The following PTPRT variants were observed in gnomAD, a reference collection of about 807,000 sequenced individuals.
PTPRT encodes the protein protein tyrosine phosphatase receptor type T.
Under a neutral mutation model 176.8 loss-of-function variants are expected in PTPRT, and 56 were observed. That is an observed-to-expected ratio of 0.32 (90% confidence interval 0.26 to 0.40). The LOEUF (loss-of-function observed/expected upper bound fraction) is 0.40, where lower values mean the gene tolerates loss of function less well. Among genes scored for constraint, PTPRT ranks in the 10% least tolerant of loss-of-function variants. The pLI is 1.00. For missense variants in PTPRT, 1,540 were observed against 1,908.2 expected (o/e 0.81, Z 3.60); for synonymous variants, 783 against 739.0 (o/e 1.06, Z -0.96).
At chr20:42,214,224 A>G (rs2055714115) in intron 15 of PTPRT, among the ~76,000 whole-genome samples, 1 of 152,146 alleles carries the variant, frequency 6.6e-6, no homozygotes, top group African/African-American at 2.4e-5. Context: ...CTTAGGCAAA[A>G]AGCCATCACA....
At chr20:42,382,178 T>A (rs2058703635) in intron 9 of PTPRT, among the ~76,000 whole-genome samples, 1 of 152,220 alleles carries the variant, frequency 6.6e-6, no homozygotes, top group East Asian at 1.9e-4. Flanking sequence ...TTATTGCAAA[T>A]GATTTTACTG....
chr20:42,645,643 G>A (rs1157303927), intron 7 of PTPRT, among the ~76,000 whole-genome samples: 7 of 151,990 alleles, frequency 4.6e-5, no homozygotes, highest in South Asian at 2.1e-4. Context: ...AAGTACAGGC[G>A]GCTACAACAA....
intron 2 of PTPRT, among the ~76,000 whole-genome samples, chr20:42,854,231 G>A (rs749111406): frequency 5.1e-4 from 77 of 151,956 alleles, no homozygotes; most frequent in Non-Finnish European, 9.3e-4. Flanking sequence ...CGTTCATTTG[G>A]CAAATACTTA....
intron 6 of PTPRT, among the ~76,000 whole-genome samples, chr20:42,751,144 G>A (rs1221979504): frequency 6.6e-6 from 1 of 152,158 alleles, no homozygotes; most frequent in East Asian, 1.9e-4. Context: ...TGGGGAGAAA[G>A]AGAGACCAGC....
chr20:42,543,451 A>C (rs2072619234), intron 7 of PTPRT, among the ~76,000 whole-genome samples: 1 of 152,176 alleles, frequency 6.6e-6, no homozygotes, highest in Non-Finnish European at 1.5e-5. Flanking sequence ...CTATATCTTC[A>C]GGCTTCATAT....
chr20:42,186,133 G>T (rs1306589048), intron 16 of PTPRT, among the ~76,000 whole-genome samples: 2 of 151,926 alleles, frequency 1.3e-5, no homozygotes, highest in Non-Finnish European at 2.9e-5. Flanking sequence ...GAAAAGCATG[G>T]GTATAGCCAG....
rs539517859 is a variant in PTPRT, at chr20:43,184,184, T to C, written c.88+5462A>G. Among the ~76,000 whole-genome samples the C allele has an allele frequency of 3.3e-5, 5 of 152,370 alleles. No homozygotes were observed. In the East Asian group the frequency reaches 9.6e-4, roughly 29 times the overall value. ...TGAGACTTTGCATCTCTTCCACTTA[T>C]GCTCCAGGGGACGTGTTTGTGTGTC... On this transcript the variant is annotated intron_variant, in intron 1 of 30. Coordinates refer to ENST00000373187, the MANE Select transcript of PTPRT (RefSeq NM_007050.6).
At chr20:42,116,523 G>A (rs991153516) in intron 21 of PTPRT, among the ~76,000 whole-genome samples, 15 of 152,162 alleles carry the variant, frequency 9.9e-5, no homozygotes, top group African/African-American at 3.6e-4. Flanking sequence ...TACTGACTGT[G>A]TACTCTGTCT....
chr20:42,579,614 G>T (rs2145719545), intron 7 of PTPRT, among the ~76,000 whole-genome samples: 1 of 152,276 alleles, frequency 6.6e-6, no homozygotes, highest in East Asian at 1.9e-4. Context: ...ACTGGTGTGA[G>T]ATGGTATCTC....
intron 7 of PTPRT, among the ~76,000 whole-genome samples, chr20:42,631,414 C>T (rs1316554133): frequency 6.6e-6 from 1 of 152,170 alleles, no homozygotes; most frequent in African/African-American, 2.4e-5. Context: ...AATTCAGCTT[C>T]ACATATTGCC....
chr20:42,206,366 G>A (rs915139234), intron 15 of PTPRT, among the ~76,000 whole-genome samples: 17 of 152,202 alleles, frequency 1.1e-4, no homozygotes, highest in Non-Finnish European at 2.9e-5. Context: ...TTCCATCTGA[G>A]GTACCGGGTT....
chr20:42,189,117 T>C (rs1164938493), intron 16 of PTPRT, among the ~76,000 whole-genome samples: 1 of 151,726 alleles, frequency 6.6e-6, no homozygotes, highest in Non-Finnish European at 1.5e-5. Context: ...CAGCTACCAT[T>C]CCAGCTTCGT....
chr20:42,626,717 G>A (rs1388485385), intron 7 of PTPRT, among the ~76,000 whole-genome samples: 2 of 152,288 alleles, frequency 1.3e-5, no homozygotes, highest in East Asian at 1.9e-4. Context: ...AGAGGGTCAG[G>A]TGGAATCCAT....
intron 6 of PTPRT, among the ~76,000 whole-genome samples, chr20:42,712,044 CT>C (rs1226013937): frequency 6.6e-6 from 1 of 152,082 alleles, no homozygotes; most frequent in Admixed American, 6.6e-5. Context: ...AAGAATCCCA[CT>C]TTAAAATGAG....
At chr20:42,217,245 C>T (rs529764680) in intron 15 of PTPRT, among the ~76,000 whole-genome samples, 6 of 151,984 alleles carry the variant, frequency 3.9e-5, no homozygotes, top group South Asian at 2.1e-4. Flanking sequence ...TGGTGACACA[C>T]GCCTGAAGTC....
At chr20:42,516,109 TGGGGGGA>T (rs1458242244) in intron 7 of PTPRT, among the ~76,000 whole-genome samples, 4 of 65,036 alleles carry the variant, frequency 6.2e-5, no homozygotes, top group Admixed American at 2.4e-4. Flanking sequence ...TGTTGTGGGG[TGGGGGGA>T]GGGGGGAGGG....
intron 1 of PTPRT, among the ~76,000 whole-genome samples, chr20:42,894,051 G>T (rs2079247885): frequency 6.9e-6 from 1 of 144,538 alleles, no homozygotes; most frequent in South Asian, 2.3e-4. Flanking sequence ...AAAAAAAAAA[G>T]AACATTTGCT....
At chr20:42,655,439 C>T (rs921191817) in intron 7 of PTPRT, among the ~76,000 whole-genome samples, 6 of 152,048 alleles carry the variant, frequency 3.9e-5, no homozygotes, top group African/African-American at 1.4e-4. Flanking sequence ...TGCAGTGAGC[C>T]GAGATTGCAC....
chr20:42,718,096 G>A (rs967544303), intron 6 of PTPRT, among the ~76,000 whole-genome samples: 1 of 152,236 alleles, frequency 6.6e-6, no homozygotes. Context: ...ATATCCAAGA[G>A]AAATGGAGTC....
Sources: gnomAD v4.1 joint callset for allele counts (sites outside exome capture counted in the v4.1 genomes callset) on GRCh38, gnomAD v4.1.1 for gene constraint, MANE v1.5 for transcripts, NCBI Gene and HGNC (gene_info 2026-07-23, HGNC 2026-07-21) for gene names.